CD101: variants seen among roughly 807,000 people sequenced by gnomAD.
CD101 encodes immunoglobulin superfamily member 2.
A neutral mutation model predicts 98.2 loss-of-function variants in CD101; 76 were observed. The ratio of observed to expected loss-of-function variants is 0.77; its 90% CI spans 0.64 to 0.94. The LOEUF is 0.94. CD101 is among the 40% of genes least tolerant of loss of function. The probability of loss-of-function intolerance (pLI) is 0.00; values close to 1 mark genes in which losing one functional copy is unlikely to be tolerated. For missense variants in CD101, 1,145 were observed against 1,218.8 expected, an observed-to-expected ratio of 0.94 and a Z score of 0.90; for synonymous variants, 471 against 472.7, an observed-to-expected ratio of 1.00 and a Z score of 0.05.
rs1164793968 is a variant in CD101, at chr1:117,023,038, A to G, written c.2428+1055A>G. Among the ~76,000 whole-genome samples the G allele has an allele frequency of 6.6e-6, 1 of 152,194 alleles. No homozygotes were observed. The highest frequency in any genetic ancestry group is 1.5e-5 in the Non-Finnish European group (1 of 68,030). On this transcript the variant is annotated intron_variant, in intron 7 of 9. Coordinates refer to ENST00000682167, the MANE Select transcript of CD101 (RefSeq NM_001256106.3). This position sits in a 1 kb window ranked among gnomAD's most constrained non-coding sequence, Gnocchi z 4.4. Reference sequence around the variant, plus strand: ...TTTCAACTACCACCTTCTAGATGATAACTCTGAGATTTTGTGCTTAGCCCT... The same window carrying G: ...TTTCAACTACCACCTTCTAGATGATGACTCTGAGATTTTGTGCTTAGCCCT...
intron 8 of CD101, among the ~76,000 whole-genome samples, chr1:117,030,405 A>AACAAAGAG (rs769658340): frequency 3.6e-4 from 54 of 149,254 alleles, no homozygotes; most frequent in Non-Finnish European, 7.3e-4. Flanking sequence ...CAAACAAACA[A>AACAAAGAG]AGAGAGAGAG....
chr1:117,023,607 G>GTTTTTACCAT lies in CD101; in HGVS notation c.2428+1624_2428+1625insTTTTTACCAT, dbSNP rs1491448816. On this transcript the variant is annotated intron_variant, in intron 7 of 9. Transcript: ENST00000682167. This position sits in a 1 kb window ranked among gnomAD's most constrained non-coding sequence, Gnocchi z 4.4. ...AATTTTTGTAATTTTAGTAGAGACA[G>GTTTTTACCAT]GGTTTTACCATGTTGCTCAGGCTGG... Among the ~76,000 whole-genome samples, 2 of 152,064 alleles carry GTTTTTACCAT rather than the reference G, an allele frequency of 1.3e-5. No individual in the cohort carries two copies. Among genetic ancestry groups the GTTTTTACCAT allele is most frequent in the Admixed American group, 6.5e-5 (1 of 15,276 alleles).
At position 117,009,925 on chromosome 1, in the gene CD101, G is replaced by A; in HGVS notation, c.119G>A (p.Ser40Asn). 1 of 1,614,076 alleles carries A rather than the reference G, an allele frequency of 6.2e-7. No individual in the cohort carries two copies. The highest frequency in any genetic ancestry group is 8.5e-7 in the Non-Finnish European group (1 of 1,180,024). Residue 40 changes from serine to asparagine, a missense_variant, in exon 2 of 10, where the codon AGC (serine) becomes AAC (asparagine). Physicochemically the swap from Ser to Asn is conservative, Grantham distance 46 (BLOSUM62 1). Coordinates refer to ENST00000682167, the MANE Select transcript of CD101 (RefSeq NM_001256106.3). Reference sequence around the variant, plus strand: ...TTTAGAGCTGAAGGTTACCCAGTCAGCATTGGCTGCAATGTAACTGGCCAC... The same window carrying A: ...TTTAGAGCTGAAGGTTACCCAGTCAACATTGGCTGCAATGTAACTGGCCAC... ...PLFRAEGYPV[S>N]IGCNVTGHQG...
At chr1:117,002,837 A>G (rs995788960) in intron 1 of CD101, among the ~76,000 whole-genome samples, 1 of 152,272 alleles carries the variant, frequency 6.6e-6, no homozygotes, top group African/African-American at 2.4e-5. Flanking sequence ...TTGTAATGTG[A>G]TATGAAGATA....
Position 117,017,218 on chromosome 1 carries a change from G to A in CD101, c.1357G>A (p.Asp453Asn), listed in dbSNP as rs1334617695. Residue 453 changes from aspartate (D) to asparagine (N), a missense_variant, in exon 5 of 10, where the codon GAC (aspartate) becomes AAC (asparagine). Coordinates refer to ENST00000682167, the MANE Select transcript of CD101 (RefSeq NM_001256106.3). ...TGTGAGCTGGTGGCACATCCCACGG[G>A]ACCAGACACAGCCCGAGTTTGTGGC... Reference protein sequence around the residue: ...LSVSWWHIPRDQTQPEFVAGM... With the variant: ...LSVSWWHIPRNQTQPEFVAGM... 1 of 1,614,048 alleles carries A rather than the reference G, an allele frequency of 6.2e-7. No individual in the cohort carries two copies. Among genetic ancestry groups the A allele is most frequent in the Non-Finnish European group, 8.5e-7 (1 of 1,180,018 alleles).
intron 9 of CD101, among the ~76,000 whole-genome samples, chr1:117,035,145 A>G (rs893528520): frequency 2.6e-5 from 4 of 152,196 alleles, no homozygotes; most frequent in Non-Finnish European, 5.9e-5. Context: ...CTGGGCCTAC[A>G]GTCCCCTCAT....
In CD101 at chr1:117,010,506, A is replaced by G. The variant is rs78578263; in HGVS notation, c.424+276A>G. 3.7e-4 allele frequency among the ~76,000 whole-genome samples: 57 copies of G among 152,352 alleles called. No individual in the cohort carries two copies. The East Asian group carries it at 9.2e-3, about 25-fold the overall frequency. On this transcript the variant is annotated intron_variant, in intron 2 of 9. Transcript: ENST00000682167. This position sits in a 1 kb window ranked among gnomAD's most constrained non-coding sequence, Gnocchi z 5.2. ...CCGCAGCTCTCCATAGGTTGCTAGT[A>G]GCAACAGCATTCAACAAAGCTGTGA...
chr1:117,021,456 A>C lies in CD101; in HGVS notation c.2018-117A>C. On this transcript the variant is annotated intron_variant, in intron 6 of 9. Coordinates refer to ENST00000682167, the MANE Select transcript of CD101 (RefSeq NM_001256106.3). The surrounding 1 kb of genome is among the most constrained non-coding windows in gnomAD (Gnocchi z 4.7). ...TGAGCAGTGAGTGGGGCTACTGTAG[A>C]GGGAGTTCACCCATATGATGGCGGG... 1.3e-6 allele frequency: 1 copy of C among 798,946 alleles called. No individual in the cohort carries two copies. The highest frequency in any genetic ancestry group is 1.7e-5 in the African/African-American group (1 of 57,556). The allele number at this position is 798,946 out of a possible 1,614,324, so 49.5% of individuals were successfully genotyped here.
rs375220242 is a variant in CD101 at position 117,034,026 on chromosome 1, C to T, written c.2991C>T (p.Leu997=). 9.9e-6 allele frequency: 16 copies of T among 1,614,178 alleles called. No homozygotes were observed. Among genetic ancestry groups the T allele is most frequent in the Non-Finnish European group, 1.4e-5 (16 of 1,180,044 alleles). The stretch of plus-strand genomic sequence containing the variant: ...CCAACACACGGAAAGAAAAAGCTCT[C>T]TGGGTGGACTTGAAAGAGGCTGGAG... ...LRSNTRKEKA[L]WVDLKEAGGV... is the part of the protein sequence containing the mutation. The change falls in exon 9 of 10, where the codon CTC becomes CTT. Residue 997 remains leucine, a synonymous_variant. Coordinates refer to ENST00000682167, the MANE Select transcript of CD101 (RefSeq NM_001256106.3).
At position 117,034,078 on chromosome 1, in the gene CD101, G is replaced by A. The variant is rs767116876; in HGVS notation, c.3043G>A (p.Glu1015Lys). The change falls in exon 9 of 10, where the codon GAG becomes AAG. Residue 1015 changes from glutamate (E) to lysine (K), a missense_variant. By Grantham distance (56) the Glu-to-Lys change is moderately conservative. Coordinates refer to ENST00000682167, the MANE Select transcript of CD101 (RefSeq NM_001256106.3). ...TGTGACCACAAATAGGAGGGAAGACGAGGAGGAAGATGAAGGCAACTGAAT... is the reference window on the plus strand; with the variant it reads ...TGTGACCACAAATAGGAGGGAAGACAAGGAGGAAGATGAAGGCAACTGAAT... ...GGVTTNRREDEEEDEGN is the reference protein window; with the variant it reads ...GGVTTNRREDKEEDEGN The A allele has an allele frequency of 1.9e-5, 30 of 1,614,040 alleles. No homozygotes were observed. In the African/African-American group the frequency reaches 2.3e-4, roughly 12 times the overall value.
In CD101 at chr1:117,010,292, A is replaced by C; in HGVS notation, c.424+62A>C. 2 of 1,502,716 alleles carry C rather than the reference A, an allele frequency of 1.3e-6. No individual in the cohort carries two copies. The highest frequency in any genetic ancestry group is 1.8e-6 in the Non-Finnish European group (2 of 1,107,314). 93.1% of individuals were successfully genotyped at this position (1,502,716 alleles called of 1,614,324 possible). A position where few individuals can be genotyped will look rare whatever the true frequency, so the allele number is the denominator to read the frequency against. The stretch of plus-strand genomic sequence containing the variant: ...AGAAGCCAGAGTCTCCACCATGACA[A>C]TATCTTGCAATATGACATGGCTTTA... On this transcript the variant is annotated intron_variant, in intron 2 of 9. Coordinates refer to ENST00000682167, the MANE Select transcript of CD101 (RefSeq NM_001256106.3). This position sits in a 1 kb window ranked among gnomAD's most constrained non-coding sequence, Gnocchi z 5.2.
chr1:117,029,964 C>G (rs954223869), intron 8 of CD101, among the ~76,000 whole-genome samples: 1 of 152,204 alleles, frequency 6.6e-6, no homozygotes, highest in Non-Finnish European at 1.5e-5. Flanking sequence ...CCCTTAGACC[C>G]TAGACATTAA....
intron 2 of CD101, 83 bp from the exon 3 acceptor site, chr1:117,011,467 T>C: frequency 8.6e-7 from 1 of 1,168,160 alleles, no homozygotes; most frequent in Non-Finnish European, 1.2e-6. Context: ...GTGCTTTACA[T>C]AGGGTAGCTC....
At chr1:117,001,929 A>G (rs1257273162) in intron 1 of CD101, 69 bp downstream of exon 1, 1 of 1,471,214 alleles carries the variant, frequency 6.8e-7, no homozygotes, top group South Asian at 1.1e-5. Flanking sequence ...TGAGTGATGG[A>G]ACAGGACAAT....
At position 117,009,749 on chromosome 1, in the gene CD101, T is replaced by A. The variant is rs1461394943; in HGVS notation, c.44-101T>A. ...CAATTATAGCTAATAACTTGCGATC[T>A]CATTTACCAGAATTGTAATACAGGG... is the stretch of plus-strand genomic sequence containing the variant. On this transcript the variant is annotated intron_variant, in intron 1 of 9. Coordinates refer to ENST00000682167, the MANE Select transcript of CD101 (RefSeq NM_001256106.3). 7 of 1,278,168 alleles carry A rather than the reference T, an allele frequency of 5.5e-6. No homozygotes were observed. In the East Asian group the frequency reaches 1.4e-4, roughly 26 times the overall value. 79.2% of individuals were successfully genotyped at this position (1,278,168 alleles called of 1,614,324 possible).
intron 8 of CD101, among the ~76,000 whole-genome samples, chr1:117,031,406 C>T (rs1654460113): frequency 6.6e-6 from 1 of 152,240 alleles, no homozygotes; most frequent in South Asian, 2.1e-4. Context: ...ACTCTAACCT[C>T]ACAATTCTCT....
At chr1:117,026,816 C>T (rs144660222) in intron 8 of CD101, 1 of 152,074 alleles carries the variant, frequency 6.6e-6, no homozygotes, top group African/African-American at 2.4e-5. Context: ...AATTGAGTGG[C>T]CTTCGTATTC....
Position 117,034,061 on chromosome 1 carries a change from C to T in CD101, c.3026C>T (p.Thr1009Ile), listed in dbSNP as rs769695417. The change falls in exon 9 of 10, where the codon ACA becomes ATA. Residue 1009 changes from threonine (T) to isoleucine (I), a missense_variant. By Grantham distance (89) the Thr-to-Ile change is moderately conservative. Transcript: ENST00000682167. ...TTGAAAGAGGCTGGAGGTGTGACCACAAATAGGAGGGAAGACGAGGAGGAA... is the reference window on the plus strand; with the variant it reads ...TTGAAAGAGGCTGGAGGTGTGACCATAAATAGGAGGGAAGACGAGGAGGAA... ...VDLKEAGGVT[T>I]NRREDEEEDE... 3 of 1,614,134 alleles carry T rather than the reference C, an allele frequency of 1.9e-6. No individual in the cohort carries two copies. The South Asian group carries it at 3.3e-5, about 18-fold the overall frequency.
At chr1:117,029,778 T>A (rs1654325473) in intron 8 of CD101, among the ~76,000 whole-genome samples, 1 of 152,262 alleles carries the variant, frequency 6.6e-6, no homozygotes, top group Admixed American at 6.5e-5. Context: ...CTATCCCAGC[T>A]TGGGCTGGTT....
Sources: allele counts gnomAD v4.1 joint callset (sites outside exome capture counted in the v4.1 genomes callset), GRCh38; gene constraint gnomAD v4.1.1; non-coding constraint Gnocchi (gnomAD v3.1); transcripts MANE v1.5; gene names NCBI Gene and HGNC (gene_info 2026-07-23, HGNC 2026-07-21).